MDGA2: variants seen among roughly 807,000 people sequenced by gnomAD.
MDGA2 encodes MAM domain-containing glycosylphosphatidylinositol anchor protein 2.
Under a neutral mutation model 117.8 loss-of-function variants are expected in MDGA2, and 40 were observed. The ratio of observed to expected loss-of-function variants is 0.34; its 90% CI spans 0.26 to 0.44. The LOEUF is 0.44. Among genes scored for constraint, MDGA2 ranks in the 20% least tolerant of loss-of-function variants. The probability of loss-of-function intolerance (pLI) is 1.00; values close to 1 mark genes in which losing one functional copy is unlikely to be tolerated. For missense variants in MDGA2, 1,123 were observed against 1,250.6 expected (o/e 0.90, Z 1.54); for synonymous variants, 452 against 439.0 (o/e 1.03, Z -0.37).
chr14:47,615,274 T>G (rs1896928282), intron 1 of MDGA2, among the ~76,000 whole-genome samples: 2 of 152,182 alleles, frequency 1.3e-5, no homozygotes. Flanking sequence ...GCTTTTAATT[T>G]CCACCAAAAT....
intron 16 of MDGA2, among the ~76,000 whole-genome samples, chr14:46,844,156 G>C (rs1037339556): frequency 1.3e-5 from 2 of 152,036 alleles, no homozygotes; most frequent in African/African-American, 4.8e-5. Flanking sequence ...ACTCAAAAAA[G>C]GGTATAAAGT....
intron 1 of MDGA2, among the ~76,000 whole-genome samples, chr14:47,580,862 G>A (rs895566061): frequency 3.3e-5 from 5 of 151,876 alleles, no homozygotes; most frequent in Admixed American, 6.6e-5. Context: ...GACAATGGCC[G>A]TCTCCACAGG....
At chr14:47,154,244 T>C (rs1488874718) in intron 3 of MDGA2, among the ~76,000 whole-genome samples, 2 of 152,226 alleles carry the variant, frequency 1.3e-5, no homozygotes, top group Non-Finnish European at 2.9e-5. Context: ...TTGAAATAGC[T>C]ATTTTTTAGT....
At chr14:47,428,175 A>C (rs1047266702) in intron 1 of MDGA2, among the ~76,000 whole-genome samples, 2 of 152,138 alleles carry the variant, frequency 1.3e-5, no homozygotes, top group African/African-American at 4.8e-5. Context: ...GAAAAAATTA[A>C]AGAAACTCTT....
chr14:47,296,986 ATGAAT>A (rs1482078210), intron 2 of MDGA2, among the ~76,000 whole-genome samples: 1 of 152,168 alleles, frequency 6.6e-6, no homozygotes, highest in East Asian at 1.9e-4. Context: ...TTGCTAAAAC[ATGAAT>A]TGCTGGCCCC....
intron 1 of MDGA2, among the ~76,000 whole-genome samples, chr14:47,348,965 A>G (rs1206879505): frequency 6.6e-6 from 1 of 152,210 alleles, no homozygotes; most frequent in Non-Finnish European, 1.5e-5. Context: ...TGGAGATTGA[A>G]AGGATGGAAA....
intron 10 of MDGA2, 32 bp from the exon 11 acceptor site, chr14:46,882,253 C>A (rs1882489817): frequency 6.4e-7 from 1 of 1,565,576 alleles, no homozygotes; most frequent in Non-Finnish European, 8.7e-7. Flanking sequence ...AATAATGTTC[C>A]CAGTATGTTC....
At chr14:47,086,471 T>C (rs1200840283) in intron 6 of MDGA2, among the ~76,000 whole-genome samples, 1 of 152,106 alleles carries the variant, frequency 6.6e-6, no homozygotes, top group African/African-American at 2.4e-5. Context: ...GCTAATTCAA[T>C]TAAAAATTGT....
intron 1 of MDGA2, among the ~76,000 whole-genome samples, chr14:47,386,129 A>G (rs1021679313): frequency 6.6e-6 from 1 of 152,056 alleles, no homozygotes; most frequent in African/African-American, 2.4e-5. Context: ...TAGAAATACA[A>G]AAATTAGCCG....
intron 1 of MDGA2, among the ~76,000 whole-genome samples, chr14:47,404,378 G>T (rs1170379549): frequency 6.6e-6 from 1 of 151,858 alleles, no homozygotes; most frequent in African/African-American, 2.4e-5. Context: ...TAGAGATGGG[G>T]TTTCACCATG....
chr14:47,323,149 G>GATAGAT (rs1890031803), intron 1 of MDGA2, among the ~76,000 whole-genome samples: 1 of 107,678 alleles, frequency 9.3e-6, no homozygotes, highest in African/African-American at 3.8e-5. Flanking sequence ...AAGAGTCATG[G>GATAGAT]ATATATATAT....
At chr14:47,022,791 A>G (rs1161122352) in intron 8 of MDGA2, among the ~76,000 whole-genome samples, 1 of 152,194 alleles carries the variant, frequency 6.6e-6, no homozygotes, top group Non-Finnish European at 1.5e-5. Context: ...AAATGTGCAT[A>G]AGAGAATAAA....
intron 1 of MDGA2, among the ~76,000 whole-genome samples, chr14:47,445,293 C>T (rs1036133874): frequency 6.6e-6 from 1 of 152,100 alleles, no homozygotes; most frequent in African/African-American, 2.4e-5. Flanking sequence ...AGAGATAAAA[C>T]ACACTTGAAA....
chr14:46,902,979 C>CA (rs1410335228), intron 10 of MDGA2, among the ~76,000 whole-genome samples: 1 of 141,430 alleles, frequency 7.1e-6, no homozygotes, highest in African/African-American at 2.6e-5. Context: ...CTCCCACCGG[C>CA]CTACACACTG....
chr14:47,269,068 G>C (rs1952213), intron 2 of MDGA2, among the ~76,000 whole-genome samples: 94,770 of 151,886 alleles, frequency 0.62, 30,005 homozygotes, highest in Admixed American at 0.73. Flanking sequence ...ATTGAGGAAG[G>C]CTCCAATGGT....
At chr14:46,977,070 C>T (rs977114716) in intron 8 of MDGA2, among the ~76,000 whole-genome samples, 1 of 151,704 alleles carries the variant, frequency 6.6e-6, no homozygotes, top group Non-Finnish European at 1.5e-5. Context: ...TTATTATTTA[C>T]AGTTTTGCTT....
intron 1 of MDGA2, among the ~76,000 whole-genome samples, chr14:47,425,596 G>T (rs923479404): frequency 6.6e-6 from 1 of 152,120 alleles, no homozygotes; most frequent in African/African-American, 2.4e-5. Flanking sequence ...GTTCAGGAAT[G>T]TCAAGGAGTG....
chr14:47,139,058 T>C (rs1882591632), intron 4 of MDGA2, among the ~76,000 whole-genome samples: 1 of 152,122 alleles, frequency 6.6e-6, no homozygotes, highest in Non-Finnish European at 1.5e-5. Flanking sequence ...GTATACAAAA[T>C]AGATATATCT....
At chr14:47,561,412 G>A (rs1895814298) in intron 1 of MDGA2, among the ~76,000 whole-genome samples, 1 of 151,872 alleles carries the variant, frequency 6.6e-6, no homozygotes, top group South Asian at 2.1e-4. Flanking sequence ...TTTCAGCAGT[G>A]TTTTGTAATT....
Sources: allele counts gnomAD v4.1 joint callset (sites outside exome capture counted in the v4.1 genomes callset), GRCh38; gene constraint gnomAD v4.1.1; transcripts MANE v1.5; gene names NCBI Gene and HGNC (gene_info 2026-07-23, HGNC 2026-07-21).